Variants in DIDO1 observed in about 807,000 individuals in gnomAD.
DIDO1 encodes the protein death inducer-obliterator 1.
A neutral mutation model predicts 99.4 loss-of-function variants in DIDO1; 16 were observed. That is an observed-to-expected ratio of 0.16 (90% CI 0.11 to 0.24). DIDO1 has a LOEUF of 0.24. Among genes scored for constraint, DIDO1 ranks in the 10% least tolerant of loss-of-function variants. The pLI, the probability that DIDO1 is intolerant of heterozygous loss-of-function variation, is 1.00. For missense variants in DIDO1, 2,996 were observed against 3,014.0 expected, an observed-to-expected ratio of 0.99 and a Z score of 0.14; for synonymous variants, 1,366 against 1,239.1, an observed-to-expected ratio of 1.10 and a Z score of -2.15.
chr20:62,929,759 T>G (rs1407438979), upstream of DIDO1, among the ~76,000 whole-genome samples: 19 of 37,202 alleles, frequency 5.1e-4, no homozygotes, highest in East Asian at 0.019. Context: ...CACTGTTTTG[T>G]TTTTTTTTTT....
rs2064148651 is a variant in DIDO1, at chr20:62,878,958, A to G, written c.*275T>C. The G allele has an allele frequency of 2.8e-6, 1 of 354,426 alleles. No individual in the cohort carries two copies. Among genetic ancestry groups the G allele is most frequent in the Non-Finnish European group, 5.0e-6 (1 of 200,340 alleles). 22.0% of individuals were successfully genotyped at this position (354,426 alleles called of 1,614,324 possible). On this transcript the variant is annotated 3_prime_UTR_variant, in exon 16 of 16. Transcript: ENST00000395343. ...TTAAAATTTACAATAAAGTTATTGG[A>G]AAAGATAACTATGATCTGAAAAGCA... is the stretch of plus-strand genomic sequence containing the variant.
chr20:62,908,182 C>T (rs1008535630), intron 4 of DIDO1, among the ~76,000 whole-genome samples: 7 of 152,098 alleles, frequency 4.6e-5, no homozygotes, highest in Non-Finnish European at 8.8e-5. Context: ...GGTCTCACTA[C>T]GTTGCCCAGG....
In DIDO1 at chr20:62,881,813, G is replaced by A; in HGVS notation, c.4143C>T (p.Asp1381=). ...CCTCCTCAGGGTCGTATGGCCTGTC[G>A]TCCTCCTCTTCCTCTAGAGCCTTAT... ...SKDKALEEEE[D]DRPYDPEEEY... is the part of the protein sequence containing the mutation. The change falls in exon 16 of 16, where the codon GAC becomes GAT. Residue 1381 remains aspartate (D), a synonymous_variant. Coordinates refer to ENST00000395343, the MANE Select transcript of DIDO1 (RefSeq NM_001193369.2). The surrounding 1 kb of genome is among the most constrained non-coding windows in gnomAD (Gnocchi z 8.3). The A allele has an allele frequency of 6.2e-7, 1 of 1,613,472 alleles. No individual in the cohort carries two copies. Among genetic ancestry groups the A allele is most frequent in the African/African-American group, 1.3e-5 (1 of 75,016 alleles).
chr20:62,890,878 C>A lies in DIDO1; in HGVS notation c.3541+82G>T. The A allele has an allele frequency of 1.9e-6, 3 of 1,610,712 alleles. No individual in the cohort carries two copies. The South Asian group carries it at 3.3e-5, about 18-fold the overall frequency. Reference sequence around the variant, plus strand: ...TGCTCCCAGAGAGCCCTGGGCTGGTCAGGACTCAGCAGGGCATGTCAGTGG... The same window carrying A: ...TGCTCCCAGAGAGCCCTGGGCTGGTAAGGACTCAGCAGGGCATGTCAGTGG... On this transcript the variant is annotated intron_variant, in intron 15 of 15. Coordinates refer to ENST00000395343, the MANE Select transcript of DIDO1 (RefSeq NM_001193369.2).
At position 62,894,016 on chromosome 20, in the gene DIDO1, T is replaced by C. The variant is rs780650539; in HGVS notation, c.2751A>G (p.Glu917=). 10 of 1,614,200 alleles carry C rather than the reference T, an allele frequency of 6.2e-6. No individual in the cohort carries two copies. The Admixed American group carries it at 1.7e-4, about 27-fold the overall frequency. Residue 917 remains glutamate, a synonymous_variant, in exon 12 of 16, where the codon GAA becomes GAG. Coordinates refer to ENST00000395343, the MANE Select transcript of DIDO1 (RefSeq NM_001193369.2). This position sits in a 1 kb window ranked among gnomAD's most constrained non-coding sequence, Gnocchi z 4.4. ...VPEVASEPGL[E]SASHPNVDRT... ...TGTCCACATTTGGATGAGAAGCACT[T>C]TCTAGGCCTGGCTCAGAGGCAACTT...
intron 15 of DIDO1, chr20:62,888,848 C>G (rs1471356832): frequency 1.0e-6 from 1 of 985,334 alleles, no homozygotes; most frequent in Non-Finnish European, 1.2e-6. Context: ...CACGCACACG[C>G]ATTCATGTCA....
In DIDO1 at chr20:62,880,010, C is replaced by G; in HGVS notation, c.5946G>C (p.Arg1982Ser). 1 of 1,611,892 alleles carries G rather than the reference C, an allele frequency of 6.2e-7. No homozygotes were observed. Among genetic ancestry groups the G allele is most frequent in the Non-Finnish European group, 8.5e-7 (1 of 1,179,964 alleles). Residue 1982 changes from arginine to serine, a missense_variant, in exon 16 of 16, where the codon AGG becomes AGC. Around this residue, in one of 5 missense-constraint regions of DIDO1, gnomAD observed 1,562 missense variants for 1,412.6 expected, o/e 1.11. Transcript: ENST00000395343. ...VHSPPRFTNQ[R>S]APAPLQFGGL... ...CACCAAACTGCAGGGGTGCAGGCGC[C>G]CTTTGGTTTGTGAATCTTGGTGGTG...
chr20:62,892,100 A>T (rs775814937), intron 13 of DIDO1, 24 bp from the exon 14 acceptor site: 1 of 1,602,028 alleles, frequency 6.2e-7, no homozygotes, highest in Non-Finnish European at 8.5e-7. Flanking sequence ...ACTTTGCGTA[A>T]ATCACTTTGA....
In DIDO1 at chr20:62,877,807, G is replaced by A. The variant is rs1383566028; in HGVS notation, c.*1426C>T. On this transcript the variant is annotated 3_prime_UTR_variant, in exon 16 of 16. Coordinates refer to ENST00000395343, the MANE Select transcript of DIDO1 (RefSeq NM_001193369.2). ...AGGTCGTTCCATGTTCTCATGTACA[G>A]TGATATAAGCCTCCGCAATATAAAA... is the stretch of plus-strand genomic sequence containing the variant. The A allele has an allele frequency of 3.3e-5, 5 of 152,216 alleles. No individual in the cohort carries two copies. The highest frequency in any genetic ancestry group is 1.2e-4 in the African/African-American group (5 of 41,454). 9.4% of individuals were successfully genotyped at this position (152,216 alleles called of 1,614,324 possible). A position where few individuals can be genotyped will look rare whatever the true frequency, so the allele number is the denominator to read the frequency against.
intron 1 of DIDO1, among the ~76,000 whole-genome samples, chr20:62,916,427 C>T (rs1482205143): frequency 1.3e-5 from 2 of 152,192 alleles, no homozygotes; most frequent in Non-Finnish European, 2.9e-5. Context: ...TGAATGGCGG[C>T]TCTCAAACCT....
intron 15 of DIDO1, among the ~76,000 whole-genome samples, chr20:62,884,668 G>A (rs1046644998): frequency 6.6e-6 from 1 of 152,242 alleles, no homozygotes; most frequent in Non-Finnish European, 1.5e-5. Flanking sequence ...GGTGAAGGCA[G>A]GAATACCAGG....
chr20:62,888,694 T>C, intron 15 of DIDO1: 1 of 985,494 alleles, frequency 1.0e-6, no homozygotes. Context: ...ACTACACATT[T>C]ACACCACAAA....
At position 62,878,000 on chromosome 20, in the gene DIDO1, C is replaced by T. The variant is rs1019336996; in HGVS notation, c.*1233G>A. The T allele has an allele frequency of 1.3e-5, 2 of 152,160 alleles. No homozygotes were observed. Among genetic ancestry groups the T allele is most frequent in the Non-Finnish European group, 2.9e-5 (2 of 68,024 alleles). 9.4% of individuals were successfully genotyped at this position (152,160 alleles called of 1,614,324 possible). ...ACTTTAATGTAATTTAACCTATGGA[C>T]ACTTGGCTTTCAACACCAAACATCT... is the stretch of plus-strand genomic sequence containing the variant. On this transcript the variant is annotated 3_prime_UTR_variant, in exon 16 of 16. Transcript: ENST00000395343.
rs1368464782 is a variant in DIDO1, at chr20:62,881,273, C to T, written c.4683G>A (p.Arg1561=). The part of the protein sequence containing the change: ...ASQASNHRDP[R]QARRLATETG... ...TCTCAGTGGCCAGGCGCCTCGCCTG[C>T]CGGGGGTCCCTGTGGTTTGACGCCT... The change falls in exon 16 of 16, where the codon CGG becomes CGA. Residue 1561 remains arginine, a synonymous_variant. Transcript: ENST00000395343. The surrounding 1 kb of genome is among the most constrained non-coding windows in gnomAD (Gnocchi z 8.3). 5 of 1,604,232 alleles carry T rather than the reference C, an allele frequency of 3.1e-6. No individual in the cohort carries two copies. The highest frequency in any genetic ancestry group is 3.4e-6 in the Non-Finnish European group (4 of 1,179,206).
intron 1 of DIDO1, among the ~76,000 whole-genome samples, chr20:62,923,827 T>A (rs965591235): frequency 2.0e-5 from 3 of 152,366 alleles, no homozygotes; most frequent in African/African-American, 7.2e-5. Context: ...AACCACGGCA[T>A]CAAAATTTGA....
chr20:62,928,363 C>A (rs71325416), upstream of DIDO1, among the ~76,000 whole-genome samples: 1 of 152,188 alleles, frequency 6.6e-6, no homozygotes, highest in Non-Finnish European at 1.5e-5. Flanking sequence ...CGCAGAATGC[C>A]TTCCTTCCTG....
chr20:62,922,176 ATATG>A (rs1396955128), intron 1 of DIDO1, among the ~76,000 whole-genome samples: 13 of 149,490 alleles, frequency 8.7e-5, no homozygotes, highest in African/African-American at 2.5e-4. Context: ...CGGCTCTTTT[ATATG>A]TATGTGTGTG....
chr20:62,888,699 C>T (rs2064340604), intron 15 of DIDO1: 1 of 985,412 alleles, frequency 1.0e-6, no homozygotes, highest in Admixed American at 6.1e-5. Context: ...ACATTTACAC[C>T]ACAAAGCCAG....
Position 62,905,686 on chromosome 20 carries a change from G to C in DIDO1, c.1588+201C>G. 3 of 1,604,914 alleles carry C rather than the reference G, an allele frequency of 1.9e-6. No homozygotes were observed. In the South Asian group the frequency reaches 3.3e-5, roughly 18 times the overall value. ...TTTACAGCTTTGGAAAACAGTGACAGGAAGTCCTGACAGACTAGGGATGGA... is the reference window on the plus strand; with the variant it reads ...TTTACAGCTTTGGAAAACAGTGACACGAAGTCCTGACAGACTAGGGATGGA... On this transcript the variant is annotated intron_variant, in intron 6 of 15. Coordinates refer to ENST00000395343, the MANE Select transcript of DIDO1 (RefSeq NM_001193369.2).
Sources: allele counts gnomAD v4.1 joint callset (sites outside exome capture counted in the v4.1 genomes callset), GRCh38; gene constraint gnomAD v4.1.1; regional missense constraint gnomAD v4.1.1; non-coding constraint Gnocchi (gnomAD v3.1); transcripts MANE v1.5; gene names NCBI Gene and HGNC (gene_info 2026-07-23, HGNC 2026-07-21).